RANBP17: variants seen among roughly 807,000 people sequenced by gnomAD.
RANBP17 encodes the protein ran-binding protein 17.
A neutral mutation model predicts 141.2 loss-of-function variants in RANBP17; 158 were observed. That is an observed-to-expected ratio of 1.12 (90% CI 0.98 to 1.28). The LOEUF is 1.28. Among genes scored for constraint, RANBP17 ranks in the 50% most tolerant of loss-of-function variants. The pLI, the probability that RANBP17 is intolerant of heterozygous loss-of-function variation, is 0.00. For missense variants in RANBP17, 1,438 were observed against 1,290.7 expected, an observed-to-expected ratio of 1.11 and a Z score of -1.75; for synonymous variants, 430 against 450.0, an observed-to-expected ratio of 0.96 and a Z score of 0.56.
chr5:171,082,231 A>G (rs1048029451), intron 14 of RANBP17, among the ~76,000 whole-genome samples: 2 of 152,094 alleles, frequency 1.3e-5, no homozygotes, highest in Non-Finnish European at 2.9e-5. Flanking sequence ...ACACACACAT[A>G]TAGAATATAT....
intron 14 of RANBP17, among the ~76,000 whole-genome samples, chr5:171,072,223 G>A (rs923343348): frequency 1.3e-5 from 2 of 152,074 alleles, no homozygotes; most frequent in African/African-American, 4.8e-5. Context: ...GGGCAGGCGT[G>A]ATTTCTAGAA....
intron 25 of RANBP17, among the ~76,000 whole-genome samples, chr5:171,288,333 A>G (rs1472244754): frequency 6.6e-6 from 1 of 152,236 alleles, no homozygotes; most frequent in African/African-American, 2.4e-5. Context: ...GGAGGTACAC[A>G]TGGACCACAT....
chr5:170,998,695 G>A (rs1231584501), intron 14 of RANBP17, among the ~76,000 whole-genome samples: 3 of 152,044 alleles, frequency 2.0e-5, no homozygotes, highest in African/African-American at 4.8e-5. Flanking sequence ...TGTTCATTCA[G>A]ATACTTTTGC....
At chr5:171,037,076 T>C (rs1781929878) in intron 14 of RANBP17, among the ~76,000 whole-genome samples, 2 of 152,296 alleles carry the variant, frequency 1.3e-5, no homozygotes, top group African/African-American at 4.8e-5. Flanking sequence ...AGCGTTCCCT[T>C]ATCTCTGCAG....
intron 21 of RANBP17, among the ~76,000 whole-genome samples, chr5:171,221,139 A>G (rs562480234): frequency 9.3e-4 from 142 of 152,318 alleles, no homozygotes; most frequent in African/African-American, 3.2e-3. Flanking sequence ...CCCTGTTCAC[A>G]CTTGCCCAAC....
chr5:170,925,222 A>AT (rs1772820883), intron 12 of RANBP17, among the ~76,000 whole-genome samples: 1 of 152,134 alleles, frequency 6.6e-6, no homozygotes, highest in Non-Finnish European at 1.5e-5. Context: ...TCATAATCAA[A>AT]TTTACTTCCA....
At chr5:171,093,435 G>GA (rs971326929) in intron 14 of RANBP17, among the ~76,000 whole-genome samples, 31 of 151,174 alleles carry the variant, frequency 2.1e-4, no homozygotes, top group South Asian at 4.2e-4. Flanking sequence ...AGTTGTTAAT[G>GA]AAAAAAAAAT....
At chr5:171,204,587 C>G (rs1561761247) in intron 19 of RANBP17, among the ~76,000 whole-genome samples, 1 of 152,058 alleles carries the variant, frequency 6.6e-6, no homozygotes, top group East Asian at 1.9e-4. Flanking sequence ...ATCGCACCCC[C>G]TTGTTTTGTA....
At chr5:171,277,938 CTTTTTTTTTTTTTTTTTTTTTTTT>C (rs140208253) in intron 25 of RANBP17, among the ~76,000 whole-genome samples, 1 of 72,266 alleles carries the variant, frequency 1.4e-5, no homozygotes, top group Non-Finnish European at 2.3e-5. Context: ...GGACTTCTTT[CTTTTTTTTTTTTTTTTTTTTTTTT>C]TTTTTTTGAT....
intron 14 of RANBP17, among the ~76,000 whole-genome samples, chr5:170,977,703 T>A (rs1220819489): frequency 6.6e-6 from 1 of 152,072 alleles, no homozygotes; most frequent in African/African-American, 2.4e-5. Context: ...ACAAGTATGA[T>A]AATTGAAAAC....
intron 14 of RANBP17, among the ~76,000 whole-genome samples, chr5:171,169,530 G>C (rs1759949135): frequency 6.6e-6 from 1 of 152,112 alleles, no homozygotes; most frequent in Non-Finnish European, 1.5e-5. Context: ...TGGATTCCCA[G>C]GCCCTGATGT....
chr5:171,061,821 G>T (rs1218230872), intron 14 of RANBP17, among the ~76,000 whole-genome samples: 3 of 152,098 alleles, frequency 2.0e-5, no homozygotes, highest in Non-Finnish European at 2.9e-5. Flanking sequence ...GGTCACTCAG[G>T]ACTTGCTTTA....
chr5:171,087,423 A>G (rs1424109690), intron 14 of RANBP17, among the ~76,000 whole-genome samples: 1 of 152,126 alleles, frequency 6.6e-6, no homozygotes, highest in Admixed American at 6.6e-5. Flanking sequence ...TGTGGTGCTG[A>G]AAAAAATGTA....
At chr5:171,292,583 T>C (rs910243598) in intron 25 of RANBP17, among the ~76,000 whole-genome samples, 11 of 152,190 alleles carry the variant, frequency 7.2e-5, no homozygotes, top group Admixed American at 2.0e-4. Context: ...AGGGATGGTG[T>C]GTGCAGTGGT....
At chr5:170,948,091 A>G (rs1774907691) in intron 12 of RANBP17, among the ~76,000 whole-genome samples, 1 of 152,208 alleles carries the variant, frequency 6.6e-6, no homozygotes, top group African/African-American at 2.4e-5. Context: ...AGAAGGTGAC[A>G]TCAAGTAAGA....
rs145751141 is a variant in RANBP17, at chr5:170,940,204, A to T, written c.1469-13393A>T. Among the ~76,000 whole-genome samples the T allele has an allele frequency of 5.8e-3, 884 of 152,296 alleles. 7 individuals are homozygous for T. Among genetic ancestry groups the T allele is most frequent in the African/African-American group, 0.02 (842 of 41,566 alleles). On this transcript the variant is annotated intron_variant, in intron 12 of 27. Transcript: ENST00000523189. ...GTAAAAGGATTTTTTAAAATGTGCT[A>T]TGCAAATATGAACGTATAGGAGGCT...
chr5:171,100,743 A>G (rs897825349), intron 14 of RANBP17, among the ~76,000 whole-genome samples: 11 of 152,212 alleles, frequency 7.2e-5, no homozygotes, highest in Non-Finnish European at 1.6e-4. Flanking sequence ...ATTTAGTGCT[A>G]TAAATTTCCC....
intron 16 of RANBP17, among the ~76,000 whole-genome samples, chr5:171,179,907 G>A (rs192117139): frequency 6.6e-6 from 1 of 152,222 alleles, no homozygotes; most frequent in African/African-American, 2.4e-5. Flanking sequence ...ACCTAAGAAA[G>A]CAGTTCATTC....
intron 14 of RANBP17, among the ~76,000 whole-genome samples, chr5:171,139,182 A>C (rs924115999): frequency 1.3e-5 from 2 of 152,206 alleles, no homozygotes; most frequent in African/African-American, 4.8e-5. Context: ...GTTTAAAAAA[A>C]TAGGCAGCAA....
Sources: gnomAD v4.1 joint callset for allele counts (sites outside exome capture counted in the v4.1 genomes callset) on GRCh38, gnomAD v4.1.1 for gene constraint, MANE v1.5 for transcripts, NCBI Gene and HGNC (gene_info 2026-07-23, HGNC 2026-07-21) for gene names.